The following TENM3 variants were observed in gnomAD, a reference collection of about 807,000 sequenced individuals.
The protein encoded by TENM3 is teneurin-3.
TENM3 carries 63 observed loss-of-function variants against 255.1 expected under a neutral mutation model. The observed-to-expected ratio is 0.25, with a 90% CI of 0.20 to 0.30. The LOEUF (loss-of-function observed/expected upper bound fraction) is 0.30. Among genes scored for constraint, TENM3 ranks in the 10% least tolerant of loss-of-function variants. The probability of loss-of-function intolerance (pLI) is 1.00; values close to 1 mark genes in which losing one functional copy is unlikely to be tolerated. For missense variants in TENM3, 2,929 were observed against 3,461.1 expected (o/e 0.85, Z 3.86); for synonymous variants, 1,306 against 1,322.3 (o/e 0.99, Z 0.27).
At chr4:182,795,447 A>G (rs572289048) in intron 26 of TENM3, among the ~76,000 whole-genome samples, 39 of 152,230 alleles carry the variant, frequency 2.6e-4, no homozygotes, top group African/African-American at 8.4e-4. Context: ...GTCACTTTGC[A>G]TCCTGTGTGA....
At chr4:182,239,056 TGTGTGTGTGTG>T (rs1757076093), upstream of TENM3, among the ~76,000 whole-genome samples, 1 of 150,718 alleles carries the variant, frequency 6.6e-6, no homozygotes. Context: ...TGTGTGTGTG[TGTGTGTGTGTG>T]TGTGTGTATT....
chr4:182,342,514 CT>C (rs1764545903), intron 2 of TENM3, among the ~76,000 whole-genome samples: 1 of 152,074 alleles, frequency 6.6e-6, no homozygotes, highest in African/African-American at 2.4e-5. Context: ...TATAAGGTGT[CT>C]TTTTAGGGTG....
chr4:182,636,344 A>G (rs992840496), intron 5 of TENM3, among the ~76,000 whole-genome samples: 6 of 152,212 alleles, frequency 3.9e-5, no homozygotes, highest in Non-Finnish European at 8.8e-5. Context: ...GAATAAAAGA[A>G]TTTACCAGTA....
the TENM3 span, among the ~76,000 whole-genome samples, chr4:181,770,390 G>A: frequency 6.6e-6 from 1 of 152,170 alleles, no homozygotes; most frequent in Non-Finnish European, 1.5e-5. Context: ...GAGTGAGGAA[G>A]TTGGCCGGGC....
chr4:181,783,838 T>G, the TENM3 span, among the ~76,000 whole-genome samples: 6 of 152,088 alleles, frequency 3.9e-5, no homozygotes, highest in Non-Finnish European at 7.4e-5. Flanking sequence ...TCGCTAGGAT[T>G]ATAAGTGCGC....
At chr4:182,071,374 A>T in the TENM3 span, among the ~76,000 whole-genome samples, 1 of 152,126 alleles carries the variant, frequency 6.6e-6, no homozygotes, top group Admixed American at 6.6e-5. Context: ...TTGCAGATTC[A>T]AAGTGTGCTT....
intron 5 of TENM3, among the ~76,000 whole-genome samples, chr4:182,638,208 G>A (rs576245376): frequency 1.3e-5 from 2 of 151,788 alleles, no homozygotes; most frequent in Admixed American, 6.6e-5. Context: ...TTCAGATAAC[G>A]TACATGCATG....
In TENM3 at chr4:182,303,192, C is replaced by T. The variant is rs145101227; in HGVS notation, c.-75-20754C>T. Among the ~76,000 whole-genome samples the T allele has an allele frequency of 1.1e-4, 16 of 152,114 alleles. No individual in the cohort carries two copies. In the East Asian group the frequency reaches 1.9e-3, roughly 18 times the overall value. On this transcript the variant is annotated intron_variant, in intron 1 of 27. Coordinates refer to ENST00000511685, the MANE Select transcript of TENM3 (RefSeq NM_001080477.4). ...GAATCTGTTTTGCATTTAAACATAG[C>T]TTGTTGAAATTAGGATAGATGCTTT...
At chr4:182,692,209 G>A in intron 12 of TENM3, among the ~76,000 whole-genome samples, 1 of 152,226 alleles carries the variant, frequency 6.6e-6, no homozygotes, top group East Asian at 1.9e-4. Flanking sequence ...CTATGGGACT[G>A]TCCTGTGGAT....
At chr4:182,638,250 A>G (rs1250665176) in intron 5 of TENM3, among the ~76,000 whole-genome samples, 3 of 152,176 alleles carry the variant, frequency 2.0e-5, no homozygotes, top group Non-Finnish European at 4.4e-5. Flanking sequence ...AGAATTTTCA[A>G]AAAAATGTTT....
the TENM3 span, among the ~76,000 whole-genome samples, chr4:181,648,490 G>T: frequency 6.6e-6 from 1 of 152,124 alleles, no homozygotes. Flanking sequence ...CAACAAAACA[G>T]AATTAGCTTT....
chr4:182,708,542 G>A (rs546095942), intron 12 of TENM3, among the ~76,000 whole-genome samples: 3 of 152,346 alleles, frequency 2.0e-5, no homozygotes, highest in Non-Finnish European at 4.4e-5. Flanking sequence ...GCTCACGCCT[G>A]TAATCCCAGC....
At position 182,517,663 on chromosome 4, in the gene TENM3, G is replaced by T. The variant is rs143867840; in HGVS notation, c.512-83261G>T. Reference sequence around the variant, plus strand: ...CTCCCAAAGTGCTGGGATTACAGGCGTGAGCCACCGCGCCCGGCCAAACAA... The same window carrying T: ...CTCCCAAAGTGCTGGGATTACAGGCTTGAGCCACCGCGCCCGGCCAAACAA... On this transcript the variant is annotated intron_variant, in intron 3 of 27. Coordinates refer to ENST00000511685, the MANE Select transcript of TENM3 (RefSeq NM_001080477.4). Among the ~76,000 whole-genome samples the T allele has an allele frequency of 2.3e-5, 3 of 130,040 alleles. 1 individual carries two copies. Among genetic ancestry groups the T allele is most frequent in the Non-Finnish European group, 5.0e-5 (3 of 60,114 alleles). The allele number at this position is 130,040 out of a possible 152,430, so 85.3% of individuals were successfully genotyped here.
At chr4:181,611,516 T>G in the TENM3 span, among the ~76,000 whole-genome samples, 1 of 152,216 alleles carries the variant, frequency 6.6e-6, no homozygotes, top group Non-Finnish European at 1.5e-5. Flanking sequence ...TTTAGTCTAT[T>G]CAAGATTTAC....
the TENM3 span, among the ~76,000 whole-genome samples, chr4:181,454,955 A>G: frequency 2.6e-5 from 4 of 152,040 alleles, no homozygotes; most frequent in Admixed American, 2.6e-4. Flanking sequence ...TTCTCAGAAC[A>G]CCTTCCCATC....
intron 1 of TENM3, among the ~76,000 whole-genome samples, chr4:182,161,897 G>GTATATATGTGTA (rs1751347709): frequency 2.2e-5 from 1 of 46,338 alleles, no homozygotes; most frequent in Non-Finnish European, 4.7e-5. Flanking sequence ...ACATATATGT[G>GTATATATGTGTA]TATATATACA....
chr4:182,689,250 G>C (rs917690696), intron 12 of TENM3, among the ~76,000 whole-genome samples: 4 of 152,040 alleles, frequency 2.6e-5, no homozygotes, highest in Admixed American at 6.5e-5. Context: ...ACATCCCTAG[G>C]GTGAAATTTG....
At chr4:181,747,425 G>T in the TENM3 span, among the ~76,000 whole-genome samples, 2 of 151,934 alleles carry the variant, frequency 1.3e-5, no homozygotes, top group Non-Finnish European at 2.9e-5. Flanking sequence ...TCCCAAGTAC[G>T]CTTTGTCCTG....
At chr4:182,512,570 T>C (rs1238465878) in intron 3 of TENM3, among the ~76,000 whole-genome samples, 1 of 152,230 alleles carries the variant, frequency 6.6e-6, no homozygotes, top group Non-Finnish European at 1.5e-5. Context: ...GAAATCATTA[T>C]GACATTAGTT....
Sources: allele counts gnomAD v4.1 joint callset (sites outside exome capture counted in the v4.1 genomes callset), GRCh38; gene constraint gnomAD v4.1.1; transcripts MANE v1.5; gene names NCBI Gene and HGNC (gene_info 2026-07-23, HGNC 2026-07-21).